SETX: variants seen among roughly 807,000 people sequenced by gnomAD.
SETX encodes helicase senataxin.
In SETX, 90 loss-of-function variants were observed where a neutral mutation model predicts 227.2. The observed-to-expected ratio is 0.40, with a 90% CI of 0.33 to 0.47. SETX has a LOEUF of 0.47. Among genes scored for constraint, SETX ranks in the 20% least tolerant of loss-of-function variants. The probability of loss-of-function intolerance (pLI) is 0.91; values close to 1 mark genes in which losing one functional copy is unlikely to be tolerated. For synonymous variants in SETX, 1,210 were observed against 1,113.2 expected, an observed-to-expected ratio of 1.09 and a Z score of -1.73; for missense variants, 3,052 against 3,181.5, an observed-to-expected ratio of 0.96 and a Z score of 0.98.
chr9:132,279,335 GCA>G (rs1312738718), intron 20 of SETX, among the ~76,000 whole-genome samples: 1 of 152,048 alleles, frequency 6.6e-6, no homozygotes, highest in African/African-American at 2.4e-5. Flanking sequence ...AATGGGTGCA[GCA>G]CACCAACATG....
chr9:132,276,806 C>G (rs1358875278), intron 22 of SETX, among the ~76,000 whole-genome samples: 1 of 152,206 alleles, frequency 6.6e-6, no homozygotes, highest in Admixed American at 6.5e-5. Context: ...CATGAGACCA[C>G]CATCTTGCAA....
rs201101604 is a variant in SETX at position 132,278,055 on chromosome 9, A to C, written c.6842+15T>G. 1.2e-6 allele frequency: 2 copies of C among 1,610,274 alleles called. No individual in the cohort carries two copies. The highest frequency in any genetic ancestry group is 2.2e-5 in the South Asian group (2 of 90,998). ...CTACAACAAAATAAGGTCACAAACA[A>C]TAAGGGGAACTCACCTATTTGTTTT... On this transcript the variant is annotated intron_variant, in intron 21 of 25. Coordinates refer to ENST00000224140, the MANE Select transcript of SETX (RefSeq NM_015046.7).
At chr9:132,288,705 GTC>G in intron 15 of SETX, 54 bp from the exon 16 acceptor site, 1 of 1,104,476 alleles carries the variant, frequency 9.1e-7, no homozygotes, top group Non-Finnish European at 1.4e-6. Context: ...GATCAATCCT[GTC>G]TCTATACATA....
intron 19 of SETX, 71 bp from the exon 20 acceptor site, chr9:132,281,645 A>T: frequency 9.1e-7 from 1 of 1,096,788 alleles, no homozygotes; most frequent in Non-Finnish European, 1.4e-6. Flanking sequence ...TTATCTGATT[A>T]AAGTTCTAAC....
At position 132,326,813 on chromosome 9, in the gene SETX, G is replaced by A. The variant is rs753040695; in HGVS notation, c.4785C>T (p.Thr1595=). The change falls in exon 10 of 26, where the codon ACC becomes ACT. Residue 1595 remains threonine, a synonymous_variant. Transcript: ENST00000224140. The part of the protein sequence containing the change: ...PPPASKPLRP[T]TKIFSSKSTS... ...TACTCTTTGAGCTAAAAATCTTAGT[G>A]GTAGGTCTCAAAGGTTTAGATGCAG... 3 of 1,614,088 alleles carry A rather than the reference G, an allele frequency of 1.9e-6. No individual in the cohort carries two copies. The highest frequency in any genetic ancestry group is 3.3e-5 in the Admixed American group (2 of 60,006).
rs201795631 is a variant in SETX, at chr9:132,349,336, T to G, written c.93A>C (p.Gln31His). Reference sequence around the variant, plus strand: ...AGTAGCAGAGGTCTTCGTCGGCTGTTTGAAATTCACCGGACGGAGTGTTGG... The same window carrying G: ...AGTAGCAGAGGTCTTCGTCGGCTGTGTGAAATTCACCGGACGGAGTGTTGG... ...YASNTPSGEF[Q>H]TADEDLCYCL... The change falls in exon 3 of 26, where the codon CAA becomes CAC. Residue 31 changes from glutamine to histidine, a missense_variant. Physicochemically the swap from Gln to His is conservative, Grantham distance 24. Coordinates refer to ENST00000224140, the MANE Select transcript of SETX (RefSeq NM_015046.7). 3 of 1,614,110 alleles carry G rather than the reference T, an allele frequency of 1.9e-6. No individual in the cohort carries two copies. Among genetic ancestry groups the G allele is most frequent in the African/African-American group, 2.7e-5 (2 of 75,012 alleles).
chr9:132,271,181 G>A (rs1842882382), intron 24 of SETX, among the ~76,000 whole-genome samples: 2 of 152,196 alleles, frequency 1.3e-5, no homozygotes, highest in South Asian at 4.1e-4. Flanking sequence ...ACCATGGGGA[G>A]TAATATGCCT....
At chr9:132,312,148 G>A (rs758573813) in intron 10 of SETX, among the ~76,000 whole-genome samples, 22 of 152,300 alleles carry the variant, frequency 1.4e-4, no homozygotes, top group African/African-American at 3.4e-4. Context: ...TGGCTGCTCC[G>A]CTGTGGGCAG....
intron 10 of SETX, 77 bp downstream of exon 10, chr9:132,326,247 A>G (rs939463613): frequency 2.3e-5 from 26 of 1,140,320 alleles, no homozygotes; most frequent in Non-Finnish European, 3.3e-5. Context: ...TTTGAACTAT[A>G]CTCTCATTTT....
chr9:132,341,184 T>C (rs551060988), intron 5 of SETX, among the ~76,000 whole-genome samples: 11 of 152,184 alleles, frequency 7.2e-5, no homozygotes, highest in African/African-American at 2.6e-4. Flanking sequence ...CTGTCTCTAC[T>C]TCCGGCGTGG....
At chr9:132,309,192 T>C (rs1384501951) in intron 11 of SETX, among the ~76,000 whole-genome samples, 1 of 152,088 alleles carries the variant, frequency 6.6e-6, no homozygotes, top group Non-Finnish European at 1.5e-5. Context: ...CTGTGAGTTA[T>C]TAAAACTTCT....
chr9:132,345,432 C>T (rs915229475), intron 4 of SETX, among the ~76,000 whole-genome samples: 1 of 152,144 alleles, frequency 6.6e-6, no homozygotes, highest in South Asian at 2.1e-4. Context: ...TGCCACCACA[C>T]CTGGCTAATT....
intron 11 of SETX, among the ~76,000 whole-genome samples, chr9:132,302,682 A>AAAAAAAAAAC (rs1845081100): frequency 1.6e-5 from 1 of 62,606 alleles, no homozygotes; most frequent in South Asian, 7.1e-4. Context: ...AAAAAAAAGC[A>AAAAAAAAAAC]AAAAAAAAAA....
At chr9:132,310,896 GTTTC>G (rs1422845186) in intron 11 of SETX, among the ~76,000 whole-genome samples, 1 of 152,096 alleles carries the variant, frequency 6.6e-6, no homozygotes, top group Non-Finnish European at 1.5e-5. Flanking sequence ...TATGATTTTA[GTTTC>G]TTTTCTTTAG....
chr9:132,306,621 A>G (rs1304330392), intron 11 of SETX, among the ~76,000 whole-genome samples: 1 of 152,198 alleles, frequency 6.6e-6, no homozygotes, highest in Non-Finnish European at 1.5e-5. Context: ...TTTCTTTTTA[A>G]GGCTTGCTTT....
At chr9:132,346,823 T>G (rs1589784755) in intron 3 of SETX, among the ~76,000 whole-genome samples, 1 of 150,584 alleles carries the variant, frequency 6.6e-6, no homozygotes, top group Admixed American at 6.6e-5. Flanking sequence ...CTAGGTGTGG[T>G]GCATGCCTAC....
chr9:132,273,597 T>C (rs1283700037), intron 23 of SETX, among the ~76,000 whole-genome samples: 2 of 152,272 alleles, frequency 1.3e-5, no homozygotes, highest in Non-Finnish European at 2.9e-5. Flanking sequence ...TGTTTCAACT[T>C]CCTTTTCAGA....
At chr9:132,349,904 A>C (rs1348097233) in intron 2 of SETX, among the ~76,000 whole-genome samples, 1 of 152,224 alleles carries the variant, frequency 6.6e-6, no homozygotes, top group African/African-American at 2.4e-5. Context: ...TGGGACGTGA[A>C]AAAGCCCTCC....
intron 15 of SETX, among the ~76,000 whole-genome samples, chr9:132,292,254 C>T (rs985419540): frequency 1.3e-5 from 2 of 151,340 alleles, no homozygotes; most frequent in Non-Finnish European, 1.5e-5. Flanking sequence ...CACGAGGAGA[C>T]CCTGTCTCTA....
Sources: gnomAD v4.1 joint callset for allele counts (sites outside exome capture counted in the v4.1 genomes callset) on GRCh38, gnomAD v4.1.1 for gene constraint, MANE v1.5 for transcripts, NCBI Gene and HGNC (gene_info 2026-07-23, HGNC 2026-07-21) for gene names.